LDLRAP1: variants seen among roughly 807,000 people sequenced by gnomAD.
LDLRAP1 encodes the protein low density lipoprotein receptor adaptor protein 1.
A neutral mutation model predicts 37.8 loss-of-function variants in LDLRAP1; 30 were observed. The ratio of observed to expected loss-of-function variants is 0.79; its 90% confidence interval spans 0.59 to 1.08. LDLRAP1 has a LOEUF of 1.08. Ranked by LOEUF, LDLRAP1 falls within the 50% of genes least tolerant of loss-of-function variation. The pLI, the probability that LDLRAP1 is intolerant of heterozygous loss-of-function variation, is 0.00. For synonymous variants in LDLRAP1, 156 were observed against 169.8 expected (o/e 0.92, Z 0.63); for missense variants, 375 against 401.6 (o/e 0.93, Z 0.57).
At chr1:25,586,535 C>T in the LDLRAP1 span, among the ~76,000 whole-genome samples, 245 of 151,008 alleles carry the variant, frequency 1.6e-3, 2 homozygotes, top group African/African-American at 5.1e-3. This position sits in a 1 kb window ranked among gnomAD's most constrained non-coding sequence, Gnocchi z 4.3. Flanking sequence ...CATGTGTGTG[C>T]GTATGTGTGC....
intron 4 of LDLRAP1, among the ~76,000 whole-genome samples, chr1:25,560,587 C>T (rs551191023): frequency 4.3e-4 from 65 of 152,316 alleles, no homozygotes; most frequent in Non-Finnish European, 8.4e-4. Flanking sequence ...CAGCACGGGG[C>T]CAGGCTGCTC....
downstream of LDLRAP1, among the ~76,000 whole-genome samples, chr1:25,569,415 G>A (rs1291008819): frequency 1.3e-5 from 2 of 152,156 alleles, no homozygotes; most frequent in African/African-American, 4.8e-5. Flanking sequence ...ATGGTGGGAA[G>A]TATTTCAGTG....
the LDLRAP1 span, among the ~76,000 whole-genome samples, chr1:25,582,125 C>T: frequency 6.6e-6 from 1 of 152,196 alleles, no homozygotes; most frequent in Non-Finnish European, 1.5e-5. Context: ...CATGGCTTCC[C>T]CTTGGGCCTC....
chr1:25,586,973 A>G, the LDLRAP1 span, among the ~76,000 whole-genome samples: 5 of 152,048 alleles, frequency 3.3e-5, no homozygotes, highest in Non-Finnish European at 7.4e-5. The surrounding 1 kb of genome is among the most constrained non-coding windows in gnomAD (Gnocchi z 4.3). Flanking sequence ...TGGATCCTCA[A>G]TCTGGTTCCA....
intron 3 of LDLRAP1, among the ~76,000 whole-genome samples, chr1:25,556,108 G>A (rs539155998): frequency 6.6e-6 from 1 of 152,276 alleles, no homozygotes; most frequent in African/African-American, 2.4e-5. Flanking sequence ...ACACCTTCAC[G>A]CTCTGCCCAC....
At chr1:25,547,130 G>C (rs2043953793) in intron 1 of LDLRAP1, among the ~76,000 whole-genome samples, 1 of 152,150 alleles carries the variant, frequency 6.6e-6, no homozygotes, top group Non-Finnish European at 1.5e-5. Flanking sequence ...GGACAAGATG[G>C]CAGGAAATAT....
chr1:25,554,272 A>G lies in LDLRAP1; in HGVS notation c.231+208A>G, dbSNP rs1227075767. 6.6e-6 allele frequency among the ~76,000 whole-genome samples: 1 copy of G among 152,006 alleles called. No individual in the cohort carries two copies. The highest frequency in any genetic ancestry group is 1.5e-5 in the Non-Finnish European group (1 of 67,982). ...GGTTAGTGGCTTCCCTCCAGCCATTATGGCCTCTTCCAGCCTCCCCACCCC... is the reference window on the plus strand; with the variant it reads ...GGTTAGTGGCTTCCCTCCAGCCATTGTGGCCTCTTCCAGCCTCCCCACCCC... On this transcript the variant is annotated intron_variant, in intron 2 of 8. Coordinates refer to ENST00000374338, the MANE Select transcript of LDLRAP1 (RefSeq NM_015627.3). This position sits in a 1 kb window ranked among gnomAD's most constrained non-coding sequence, Gnocchi z 5.4.
the LDLRAP1 span, among the ~76,000 whole-genome samples, chr1:25,584,750 G>A: frequency 1.3e-5 from 2 of 152,206 alleles, no homozygotes; most frequent in African/African-American, 4.8e-5. Flanking sequence ...TTCTCGGCAA[G>A]CCCTAGAGGG....
At chr1:25,588,693 G>A in the LDLRAP1 span, among the ~76,000 whole-genome samples, 4 of 152,094 alleles carry the variant, frequency 2.6e-5, no homozygotes, top group South Asian at 4.1e-4. Context: ...TATGCTGAAC[G>A]CCGGTCCCCT....
chr1:25,553,682 A>G, intron 1 of LDLRAP1: 1 of 512,020 alleles, frequency 2.0e-6, no homozygotes. Flanking sequence ...GAGGCAGGAG[A>G]ATCGCTTGAA....
At chr1:25,558,831 G>A (rs2044274452) in intron 4 of LDLRAP1, among the ~76,000 whole-genome samples, 1 of 152,184 alleles carries the variant, frequency 6.6e-6, no homozygotes, top group Non-Finnish European at 1.5e-5. Context: ...TCAGGGATTA[G>A]GATGTGGACA....
intron 3 of LDLRAP1, among the ~76,000 whole-genome samples, chr1:25,556,644 C>G (rs1440100149): frequency 1.3e-5 from 2 of 152,194 alleles, no homozygotes; most frequent in Non-Finnish European, 2.9e-5. Flanking sequence ...TTCTGCTTCC[C>G]CTTCTGGCCA....
chr1:25,554,180 C>G lies in LDLRAP1; in HGVS notation c.231+116C>G. On this transcript the variant is annotated intron_variant, in intron 2 of 8. Coordinates refer to ENST00000374338, the MANE Select transcript of LDLRAP1 (RefSeq NM_015627.3). The surrounding 1 kb of genome is among the most constrained non-coding windows in gnomAD (Gnocchi z 5.4). Reference sequence around the variant, plus strand: ...TGGGTGTGTCTGAGCCTGGCCCTGCCCTTCATTCTCCTTCCATCCAGCTTT... The same window carrying G: ...TGGGTGTGTCTGAGCCTGGCCCTGCGCTTCATTCTCCTTCCATCCAGCTTT... 8.0e-7 allele frequency: 1 copy of G among 1,246,348 alleles called. No individual in the cohort carries two copies. The highest frequency in any genetic ancestry group is 1.1e-6 in the Non-Finnish European group (1 of 883,360). The allele number at this position is 1,246,348 out of a possible 1,614,324, so 77.2% of individuals were successfully genotyped here.
intron 4 of LDLRAP1, among the ~76,000 whole-genome samples, chr1:25,559,733 C>G (rs914398714): frequency 6.6e-6 from 1 of 152,126 alleles, no homozygotes; most frequent in Non-Finnish European, 1.5e-5. Flanking sequence ...TGTTGGTGGC[C>G]TAGACATGTT....
the LDLRAP1 span, among the ~76,000 whole-genome samples, chr1:25,583,886 CAT>C: frequency 6.6e-6 from 1 of 152,196 alleles, no homozygotes; most frequent in Non-Finnish European, 1.5e-5. Flanking sequence ...ATTCCTATGA[CAT>C]GTGTGGTCTT....
In LDLRAP1 at chr1:25,544,372, G is replaced by T. The variant is rs1164817566; in HGVS notation, c.88+586G>T. Among the ~76,000 whole-genome samples the T allele has an allele frequency of 6.6e-6, 1 of 152,222 alleles. No individual in the cohort carries two copies. The highest frequency in any genetic ancestry group is 1.5e-5 in the Non-Finnish European group (1 of 68,024). On this transcript the variant is annotated intron_variant, in intron 1 of 8. Transcript: ENST00000374338. This position sits in a 1 kb window ranked among gnomAD's most constrained non-coding sequence, Gnocchi z 4.8. ...TACTTGAAATTGGGAACGAGGCCCC[G>T]CCTGGGGTGCCTCGGGAGAGCCCCA...
chr1:25,555,340 A>T lies in LDLRAP1; in HGVS notation c.344+368A>T, dbSNP rs1269361364. 6.6e-6 allele frequency among the ~76,000 whole-genome samples: 1 copy of T among 152,188 alleles called. No homozygotes were observed. Among genetic ancestry groups the T allele is most frequent in the East Asian group, 1.9e-4 (1 of 5,196 alleles). On this transcript the variant is annotated intron_variant, in intron 3 of 8. Coordinates refer to ENST00000374338, the MANE Select transcript of LDLRAP1 (RefSeq NM_015627.3). This position sits in a 1 kb window ranked among gnomAD's most constrained non-coding sequence, Gnocchi z 4.7. ...CTTTTCCTTCTGCTGTGAATGCAGC[A>T]GCTCAGCTCTGGGTATCTGGCCAGA...
At chr1:25,546,020 G>T (rs531536241) in intron 1 of LDLRAP1, among the ~76,000 whole-genome samples, 1 of 152,178 alleles carries the variant, frequency 6.6e-6, no homozygotes, top group South Asian at 2.1e-4. Context: ...CATTCCTAGC[G>T]CAGGGGTCTT....
chr1:25,563,447 T>C (rs1043523225), intron 6 of LDLRAP1, among the ~76,000 whole-genome samples: 7 of 152,236 alleles, frequency 4.6e-5, no homozygotes, highest in African/African-American at 1.7e-4. Context: ...ACTTAACTAT[T>C]GTGAATACAA....
Sources: gnomAD v4.1 joint callset for allele counts (sites outside exome capture counted in the v4.1 genomes callset) on GRCh38, gnomAD v4.1.1 for gene constraint, Gnocchi (gnomAD v3.1) non-coding constraint, MANE v1.5 for transcripts, NCBI Gene and HGNC (gene_info 2026-07-23, HGNC 2026-07-21) for gene names.